Variants in AASS observed in about 807,000 individuals in gnomAD.
AASS encodes alpha-aminoadipic semialdehyde synthase, mitochondrial.
In AASS, 86 loss-of-function variants were observed where a neutral mutation model predicts 105.4. That is an observed-to-expected ratio of 0.82 (90% CI 0.69 to 0.98). AASS has a LOEUF of 0.98. Among genes scored for constraint, AASS ranks in the 50% least tolerant of loss-of-function variants. AASS has a pLI of 0.00. For synonymous variants in AASS, 381 were observed against 394.8 expected (o/e 0.96, Z 0.41); for missense variants, 1,048 against 1,143.2 (o/e 0.92, Z 1.20).
chr7:122,128,073 G>A (rs908726681), intron 3 of AASS, among the ~76,000 whole-genome samples: 3 of 152,150 alleles, frequency 2.0e-5, no homozygotes, highest in Admixed American at 6.5e-5. Flanking sequence ...ATTCCTGACT[G>A]CTCTCCTTTT....
rs796857443 is a variant in AASS, at chr7:122,115,007, T to A, written c.1043+67A>T. 1.2e-5 allele frequency: 19 copies of A among 1,605,222 alleles called. No homozygotes were observed. In the African/African-American group the frequency reaches 2.3e-4, roughly 19 times the overall value. ...AGAAATCAAGTCCTCTGATATGTGATATTTGATCCTCTAATAATGGAAGCA... is the reference window on the plus strand; with the variant it reads ...AGAAATCAAGTCCTCTGATATGTGAAATTTGATCCTCTAATAATGGAAGCA... On this transcript the variant is annotated intron_variant, in intron 9 of 23. Transcript: ENST00000417368.
intron 11 of AASS, among the ~76,000 whole-genome samples, chr7:122,104,911 T>C (rs1332758813): frequency 2.6e-5 from 4 of 151,854 alleles, no homozygotes; most frequent in Non-Finnish European, 5.9e-5. Flanking sequence ...ACTGCACATG[T>C]ACCCCCGAAC....
At chr7:122,118,185 G>A (rs894108605) in intron 6 of AASS, 122 bp downstream of exon 6, 4 of 1,100,990 alleles carry the variant, frequency 3.6e-6, no homozygotes, top group Non-Finnish European at 4.0e-6. Context: ...ACATTGGTAA[G>A]AAAAGTGCCT....
chr7:122,107,633 C>G (rs981729800), intron 11 of AASS, among the ~76,000 whole-genome samples: 5 of 152,092 alleles, frequency 3.3e-5, no homozygotes, highest in Admixed American at 6.6e-5. Flanking sequence ...TTATCCTTAG[C>G]AAATTAATGC....
At chr7:122,117,061 T>C in intron 6 of AASS, 104 bp from the exon 7 acceptor site, 1 of 1,019,380 alleles carries the variant, frequency 9.8e-7, no homozygotes, top group Non-Finnish European at 1.5e-6. Flanking sequence ...ATAGCTCCAC[T>C]TGCCTTCCCT....
At chr7:122,134,044 A>G (rs1372642530) in intron 1 of AASS, among the ~76,000 whole-genome samples, 4 of 152,236 alleles carry the variant, frequency 2.6e-5, no homozygotes, top group Non-Finnish European at 5.9e-5. Context: ...TCGGCACAAA[A>G]GTTTTAAACA....
intron 15 of AASS, among the ~76,000 whole-genome samples, chr7:122,094,619 C>T (rs1381181981): frequency 6.6e-6 from 1 of 152,078 alleles, no homozygotes; most frequent in Admixed American, 6.6e-5. Flanking sequence ...TGGATATACT[C>T]ATTTATATAA....
chr7:122,095,321 G>A (rs1354143459), intron 15 of AASS, among the ~76,000 whole-genome samples: 1 of 151,978 alleles, frequency 6.6e-6, no homozygotes, highest in Non-Finnish European at 1.5e-5. Flanking sequence ...TAATAATTTG[G>A]CTCTGGGACT....
intron 4 of AASS, among the ~76,000 whole-genome samples, chr7:122,123,318 A>G (rs972456539): frequency 5.3e-5 from 8 of 152,134 alleles, no homozygotes; most frequent in African/African-American, 1.9e-4. Context: ...CCATATTCAT[A>G]CCATCTGATA....
At chr7:122,079,346 A>G in intron 21 of AASS, 1 of 1,372,236 alleles carries the variant, frequency 7.3e-7, no homozygotes, top group Non-Finnish European at 9.4e-7. Flanking sequence ...AAGCAAAAAT[A>G]CCCCACTATG....
In AASS at chr7:122,118,348, G is replaced by T. The variant is rs145053095; in HGVS notation, c.646C>A (p.Pro216Thr). Residue 216 changes from proline (P) to threonine (T), a missense_variant, in exon 6 of 24, where the codon CCC (proline) becomes ACC (threonine). Physicochemically the swap from Pro to Thr is conservative, Grantham distance 38. Coordinates refer to ENST00000417368, the MANE Select transcript of AASS (RefSeq NM_005763.4). Reference sequence around the variant, plus strand: ...GTTCCTGTGAACACAAATGTTAAGGGTCCTATTGACTTAGGCATCAAACCC... The same window carrying T: ...GTTCCTGTGAACACAAATGTTAAGGTTCCTATTGACTTAGGCATCAAACCC... ...SLGLMPKSIG[P>T]LTFVFTGTGN... 2 of 1,614,042 alleles carry T rather than the reference G, an allele frequency of 1.2e-6. No individual in the cohort carries two copies. The highest frequency in any genetic ancestry group is 2.2e-5 in the East Asian group (1 of 44,866).
At chr7:122,101,170 C>T (rs1243430175) in intron 13 of AASS, among the ~76,000 whole-genome samples, 1 of 151,806 alleles carries the variant, frequency 6.6e-6, no homozygotes, top group Non-Finnish European at 1.5e-5. Flanking sequence ...CAAAATGACG[C>T]TATACTACTG....
chr7:122,100,225 A>G (rs768448767), intron 13 of AASS, among the ~76,000 whole-genome samples: 3 of 151,902 alleles, frequency 2.0e-5, no homozygotes, highest in Non-Finnish European at 2.9e-5. Context: ...TGCTTCATGA[A>G]ATATGACACA....
chr7:122,129,562 G>A, intron 2 of AASS, 25 bp from the exon 3 acceptor site: 1 of 1,606,496 alleles, frequency 6.2e-7, no homozygotes, highest in African/African-American at 1.3e-5. Context: ...ATGATTAAAG[G>A]TTATTATCCT....
chr7:122,079,360 G>A, intron 21 of AASS: 1 of 1,375,356 alleles, frequency 7.3e-7, no homozygotes, highest in African/African-American at 1.5e-5. Context: ...CACTATGCTT[G>A]GGAACTGAGT....
intron 22 of AASS, 74 bp from the exon 23 acceptor site, chr7:122,078,088 C>T (rs1488849214): frequency 3.5e-6 from 5 of 1,425,032 alleles, no homozygotes; most frequent in Non-Finnish European, 9.9e-7. Flanking sequence ...CTCCTCCTGC[C>T]CTTCTGGTCT....
chr7:122,126,555 C>T (rs1795665251), intron 3 of AASS, 96 bp from the exon 4 acceptor site: 2 of 1,026,004 alleles, frequency 1.9e-6, no homozygotes, highest in Non-Finnish European at 3.1e-6. Flanking sequence ...ACATTTTTTC[C>T]TCTGAAATAC....
At chr7:122,110,982 T>A (rs1794904579) in intron 11 of AASS, among the ~76,000 whole-genome samples, 1 of 152,034 alleles carries the variant, frequency 6.6e-6, no homozygotes, top group Non-Finnish European at 1.5e-5. Context: ...GAAAAAATGA[T>A]CTTCTCAATG....
rs1235977198 is a variant in AASS at position 122,086,082 on chromosome 7, C to G, written c.2114G>C (p.Ser705Thr). The G allele has an allele frequency of 2.5e-6, 4 of 1,613,626 alleles. No homozygotes were observed. In the Admixed American group the frequency reaches 5.0e-5, roughly 20 times the overall value. ...LNLEGYPNRD[S>T]TKYAEIYGIS... is the part of the protein sequence containing the mutation. ...GCCATAAATCTCAGCATATTTCGTA[C>G]TGTCTCTGTTAGGATAGCCTTCCAA... The change falls in exon 19 of 24, where the codon AGT (serine) becomes ACT (threonine). Residue 705 changes from serine (S) to threonine (T), a missense_variant. Coordinates refer to ENST00000417368, the MANE Select transcript of AASS (RefSeq NM_005763.4).
Sources: gnomAD v4.1 joint callset for allele counts (sites outside exome capture counted in the v4.1 genomes callset) on GRCh38, gnomAD v4.1.1 for gene constraint, MANE v1.5 for transcripts, NCBI Gene and HGNC (gene_info 2026-07-23, HGNC 2026-07-21) for gene names.